Variants in PIGA observed in about 807,000 individuals in gnomAD.
PIGA encodes phosphatidylinositol N-acetylglucosaminyltransferase subunit A.
Under a neutral mutation model 17.1 loss-of-function variants are expected in PIGA, and 3 were observed. The observed-to-expected ratio is 0.18, with a 90% CI of 0.08 to 0.45. The LOEUF (loss-of-function observed/expected upper bound fraction) is 0.45. PIGA is among the 20% of genes least tolerant of loss of function. The pLI, the probability that PIGA is intolerant of heterozygous loss-of-function variation, is 0.99. For missense variants in PIGA, 231 were observed against 374.1 expected (o/e 0.62, Z 3.16); for synonymous variants, 126 against 135.1 (o/e 0.93, Z 0.47).
rs1390829209 is a variant in PIGA at position 15,335,512 on chromosome X, A to T, written c.-74T>A. On this transcript the variant is annotated 5_prime_UTR_variant, in exon 1 of 6. It removes an upstream start codon present in the reference 5' UTR. Coordinates refer to ENST00000333590, the MANE Select transcript of PIGA (RefSeq NM_002641.4). ...CGACGCGCACTCACCGGTGAGTTCC[A>T]TGGCCGCCAGTGTCCGGACCTCCCG... 22 of 976,841 alleles carry T rather than the reference A, an allele frequency of 2.3e-5. No individual in the cohort carries two copies. Among genetic ancestry groups the T allele is most frequent in the Non-Finnish European group, 2.7e-5 (21 of 776,594 alleles). The allele number at this position is 976,841 out of a possible 1,213,427, so 80.5% of individuals were successfully genotyped here. A position where few individuals can be genotyped will look rare whatever the true frequency, so the allele number is the denominator to read the frequency against.
At chrX:15,330,425 T>C (rs1922119062) in intron 2 of PIGA, among the ~76,000 whole-genome samples, 1 of 112,421 alleles carries the variant, frequency 8.9e-6, no homozygotes, top group Non-Finnish European at 1.9e-5. Context: ...TACGTACACA[T>C]AAAAAAGACA....
At chrX:15,326,820 C>T (rs1243631813) in intron 2 of PIGA, 1 of 112,045 alleles carries the variant, frequency 8.9e-6, no homozygotes, top group Non-Finnish European at 1.9e-5. Flanking sequence ...TATATAAACA[C>T]AATCTCAGGT....
At position 15,326,021 on chromosome X, in the gene PIGA, T is replaced by C. The variant is rs757286803; in HGVS notation, c.741A>G (p.Ile247Met). The change falls in exon 3 of 6, where the codon ATA (isoleucine) becomes ATG (methionine). Residue 247 changes from isoleucine to methionine, a missense_variant. Transcript: ENST00000333590. ...RKGIDLLSGIIPELCQKYPDL... is the reference protein window; with the variant it reads ...RKGIDLLSGIMPELCQKYPDL... Reference sequence around the variant, plus strand: ...CTGGATATTTCTGACAGAGTTCAGGTATTATACCACTAAGCAAATCGATCC... The same window carrying C: ...CTGGATATTTCTGACAGAGTTCAGGCATTATACCACTAAGCAAATCGATCC... 2 of 1,152,402 alleles carry C rather than the reference T, an allele frequency of 1.7e-6. No homozygotes were observed. The highest frequency in any genetic ancestry group is 2.4e-6 in the Non-Finnish European group (2 of 846,948). 95.0% of individuals were successfully genotyped at this position (1,152,402 alleles called of 1,213,427 possible).
chrX:15,335,307 A>C, intron 1 of PIGA, 194 bp downstream of exon 1: 2 of 326,128 alleles, frequency 6.1e-6, no homozygotes, highest in Non-Finnish European at 5.0e-6. Context: ...CGCCTGAGCC[A>C]AGGAACCCAG....
chrX:15,330,514 GCTTTT>G (rs1212227529), intron 2 of PIGA, among the ~76,000 whole-genome samples: 6 of 112,453 alleles, frequency 5.3e-5, no homozygotes, highest in African/African-American at 1.9e-4. Context: ...TCATCTTTGT[GCTTTT>G]CTTAGTTTCC....
In PIGA at chrX:15,331,850, T is replaced by G; in HGVS notation, c.81A>C (p.Thr27=). The G allele has an allele frequency of 8.3e-7, 1 of 1,211,903 alleles. No homozygotes were observed. The highest frequency in any genetic ancestry group is 1.1e-6 in the Non-Finnish European group (1 of 895,511). The change falls in exon 2 of 6, where the codon ACA becomes ACC. Residue 27 remains threonine, a synonymous_variant. Transcript: ENST00000333590. ...ATATATTATGGGTACGGGTTCTACA[T>G]GTGTAAAGACTTCCAGGGCTAACCC... ...LSRVSPGSLY[T]CRTRTHNICM... is the part of the protein sequence containing the mutation.
chrX:15,330,060 G>A (rs777229565), intron 2 of PIGA, among the ~76,000 whole-genome samples: 42 of 106,152 alleles, frequency 4.0e-4, no homozygotes, highest in African/African-American at 1.4e-3. Context: ...ACTCCAGCCC[G>A]GGGGGTGACA....
intron 1 of PIGA, among the ~76,000 whole-genome samples, chrX:15,333,239 A>G (rs1922220112): frequency 8.9e-6 from 1 of 112,266 alleles, no homozygotes; most frequent in Non-Finnish European, 1.9e-5. Context: ...TTAGCCACTG[A>G]TTCAATTACT....
At position 15,320,130 on chromosome X, in the gene PIGA, T is replaced by A. The variant is rs1338274450; in HGVS notation, c.*1376A>T. 1.8e-5 allele frequency: 2 copies of A among 112,876 alleles called. No homozygotes were observed. The highest frequency in any genetic ancestry group is 3.7e-5 in the Non-Finnish European group (2 of 53,368). The allele number at this position is 112,876 out of a possible 1,213,427, so 9.3% of individuals were successfully genotyped here. ...CACAAATATATTTCTTTTATATCAG[T>A]GCAACCAGTTAATAGGCATGTTATT... On this transcript the variant is annotated 3_prime_UTR_variant, in exon 6 of 6. Coordinates refer to ENST00000333590, the MANE Select transcript of PIGA (RefSeq NM_002641.4).
rs1027138089 is a variant in PIGA at position 15,320,204 on chromosome X, A to G, written c.*1302T>C. 2 of 112,776 alleles carry G rather than the reference A, an allele frequency of 1.8e-5. No individual in the cohort carries two copies. The highest frequency in any genetic ancestry group is 6.4e-5 in the African/African-American group (2 of 31,076). The allele number at this position is 112,776 out of a possible 1,213,427, so 9.3% of individuals were successfully genotyped here. ...GAATGTTGTCATTTTTAAAAATCCT[A>G]TACAGAATCACAACACTGTCAGAAT... On this transcript the variant is annotated 3_prime_UTR_variant, in exon 6 of 6. Transcript: ENST00000333590.
chrX:15,331,334 A>G lies in PIGA; in HGVS notation c.597T>C (p.Asn199=). ...TAGGAATGACGGACACTATTTCAGG[A>G]TTCAGTGCTGCTCTTAGTACAGTAT... ...KENTVLRAAL[N]PEIVSVIPNA... The change falls in exon 2 of 6, where the codon AAT becomes AAC. Residue 199 remains asparagine (N), a synonymous_variant. Transcript: ENST00000333590. The G allele has an allele frequency of 8.3e-7, 1 of 1,208,986 alleles. No homozygotes were observed. Among genetic ancestry groups the G allele is most frequent in the Non-Finnish European group, 1.1e-6 (1 of 892,666 alleles).
At chrX:15,327,420 G>C (rs1297690414) in intron 2 of PIGA, among the ~76,000 whole-genome samples, 1 of 111,465 alleles carries the variant, frequency 9.0e-6, no homozygotes, top group Non-Finnish European at 1.9e-5. Context: ...TTTTATATCA[G>C]ATATAAAATA....
chrX:15,327,022 G>A (rs1921992781), intron 2 of PIGA: 1 of 111,595 alleles, frequency 9.0e-6, no homozygotes, highest in African/African-American at 3.3e-5. Flanking sequence ...CATTTCGGGA[G>A]GCCAAGGCAG....
intron 2 of PIGA, among the ~76,000 whole-genome samples, chrX:15,329,232 G>T (rs1470418765): frequency 8.9e-6 from 1 of 112,352 alleles, no homozygotes; most frequent in Non-Finnish European, 1.9e-5. Context: ...TTATCGTCGT[G>T]TTGAGTAATT....
At chrX:15,323,429 G>C (rs1295037305) in intron 5 of PIGA, among the ~76,000 whole-genome samples, 1 of 111,190 alleles carries the variant, frequency 9.0e-6, no homozygotes, top group Non-Finnish European at 1.9e-5. Context: ...TGGGGAGGCA[G>C]GGGGACATCA....
intron 5 of PIGA, among the ~76,000 whole-genome samples, chrX:15,322,340 G>A (rs1231882905): frequency 1.8e-5 from 2 of 111,998 alleles, no homozygotes; most frequent in Non-Finnish European, 3.8e-5. Flanking sequence ...CATGGATGGT[G>A]AGGACATGCA....
chrX:15,335,506 A>G lies in PIGA; in HGVS notation c.-68T>C. The G allele has an allele frequency of 2.0e-6, 2 of 978,827 alleles. No individual in the cohort carries two copies. The highest frequency in any genetic ancestry group is 2.6e-6 in the Non-Finnish European group (2 of 777,594). 80.7% of individuals were successfully genotyped at this position (978,827 alleles called of 1,213,427 possible). On this transcript the variant is annotated 5_prime_UTR_variant, in exon 1 of 6. Transcript: ENST00000333590. ...GCGGCGCGACGCGCACTCACCGGTG[A>G]GTTCCATGGCCGCCAGTGTCCGGAC...
intron 1 of PIGA, among the ~76,000 whole-genome samples, chrX:15,334,527 G>C (rs1364139291): frequency 9.0e-6 from 1 of 110,893 alleles, no homozygotes; most frequent in African/African-American, 3.3e-5. Context: ...AAAGACCCCA[G>C]AAGTGTTTGT....
rs1384488408 is a variant in PIGA at position 15,325,095 on chromosome X, T to A, written c.906A>T (p.Gly302=). The change falls in exon 4 of 6, where the codon GGA becomes GGT. Residue 302 remains glycine, a synonymous_variant. Transcript: ENST00000333590. The stretch of plus-strand genomic sequence containing the variant: ...TAAGGGAGGTATTCAGAAAAATATG[T>A]CCTTGAACTAAGACATTTCTAACAT... The part of the protein sequence containing the change: ...HKDVRNVLVQ[G]HIFLNTSLTE... 2 of 1,203,833 alleles carry A rather than the reference T, an allele frequency of 1.7e-6. No individual in the cohort carries two copies. Among genetic ancestry groups the A allele is most frequent in the Non-Finnish European group, 2.2e-6 (2 of 891,433 alleles).
Sources: allele counts gnomAD v4.1 joint callset (sites outside exome capture counted in the v4.1 genomes callset), GRCh38; gene constraint gnomAD v4.1.1; transcripts MANE v1.5; gene names NCBI Gene and HGNC (gene_info 2026-07-23, HGNC 2026-07-21).